HPS3: variants seen among roughly 807,000 people sequenced by gnomAD.
HPS3 encodes BLOC-2 complex member HPS3.
HPS3 carries 79 observed loss-of-function variants against 110.9 expected under a neutral mutation model. The ratio of observed to expected loss-of-function variants is 0.71; its 90% CI spans 0.59 to 0.86. HPS3 has a LOEUF of 0.86. HPS3 is among the 40% of genes least tolerant of loss of function. The pLI is 0.00. For missense variants in HPS3, 1,197 were observed against 1,206.2 expected (o/e 0.99, Z 0.11); for synonymous variants, 428 against 451.0 (o/e 0.95, Z 0.65).
intron 10 of HPS3, among the ~76,000 whole-genome samples, chr3:149,159,579 C>T (rs547728817): frequency 2.4e-4 from 37 of 152,050 alleles, no homozygotes; most frequent in Non-Finnish European, 4.3e-4. Flanking sequence ...AAAAAAGAAA[C>T]GATAACCCCT....
chr3:149,167,816 A>G, intron 15 of HPS3, 77 bp from the exon 16 acceptor site: 1 of 904,856 alleles, frequency 1.1e-6, no homozygotes, highest in East Asian at 2.4e-5. Flanking sequence ...GCTTTCCTGC[A>G]CAATCTTCTT....
intron 1 of HPS3, 80 bp from the exon 2 acceptor site, chr3:149,139,924 A>G: frequency 1.5e-6 from 2 of 1,290,770 alleles, no homozygotes; most frequent in East Asian, 2.3e-5. Flanking sequence ...GTTAGAATTC[A>G]TTAATAGTAC....
At position 149,169,038 on chromosome 3, in the gene HPS3, C is replaced by CGTGTGTGTGT. The variant is rs34076994; in HGVS notation, c.2887+1066_2887+1075dup. 4.5e-3 allele frequency among the ~76,000 whole-genome samples: 678 copies of CGTGTGTGTGT among 149,804 alleles called. 7 individuals are homozygous for CGTGTGTGTGT. The highest frequency in any genetic ancestry group is 0.015 in the African/African-American group (623 of 40,968). On this transcript the variant is annotated intron_variant, in intron 16 of 16. Coordinates refer to ENST00000296051, the MANE Select transcript of HPS3 (RefSeq NM_032383.5). ...TCTTCAAAATATATTTGTGTGCATA[C>CGTGTGTGTGT]GTGTGTGTGTGTGTGTGTGTATGGC...
Position 149,160,170 on chromosome 3 carries a change from T to G in HPS3, c.1997T>G (p.Leu666Arg). The change falls in exon 11 of 17, where the codon CTG becomes CGG. Residue 666 changes from leucine (L) to arginine (R), a missense_variant. Transcript: ENST00000296051. ...ACTGCCATGAGCTATCTAAGGAAGC[T>G]GGATACTTCTGGGTTTTCATCGATC... ...PLTAMSYLRK[L>R]DTSGFSSILV... The G allele has an allele frequency of 6.2e-7, 1 of 1,613,944 alleles. No individual in the cohort carries two copies. Among genetic ancestry groups the G allele is most frequent in the Non-Finnish European group, 8.5e-7 (1 of 1,179,846 alleles).
intron 2 of HPS3, 102 bp downstream of exon 2, chr3:149,140,600 AT>A: frequency 8.1e-7 from 1 of 1,233,372 alleles, no homozygotes; most frequent in East Asian, 2.5e-5. Flanking sequence ...CGGCCATGTT[AT>A]TTATAGATTT....
intron 6 of HPS3, among the ~76,000 whole-genome samples, chr3:149,151,252 T>C (rs1429311929): frequency 6.6e-6 from 1 of 151,362 alleles, no homozygotes; most frequent in Non-Finnish European, 1.5e-5. Context: ...AGGCTGGTCT[T>C]GAACTTCTGG....
chr3:149,166,141 G>A, intron 14 of HPS3: 5 of 390,336 alleles, frequency 1.3e-5, no homozygotes, highest in South Asian at 7.5e-5. Flanking sequence ...TTATTTTGGT[G>A]GTAGAATCAA....
At chr3:149,170,963 A>T (rs1333625086) in intron 16 of HPS3, among the ~76,000 whole-genome samples, 1 of 152,064 alleles carries the variant, frequency 6.6e-6, no homozygotes, top group Non-Finnish European at 1.5e-5. Context: ...TTTTTAATGT[A>T]TGTTACATTC....
intron 16 of HPS3, 59 bp downstream of exon 16, chr3:149,168,042 A>G (rs1274749200): frequency 2.1e-6 from 2 of 959,814 alleles, no homozygotes; most frequent in Non-Finnish European, 3.4e-6. Flanking sequence ...AAATTTGGTG[A>G]AGCCTTCTTA....
rs939423910 is a variant in HPS3 at position 149,161,098 on chromosome 3, G to T, written c.2106+819G>T. ...CTTGGGTTGCTAAAAAAGGAAGAAC[G>T]TAAGTGCTTTATCACTATACAAATG... On this transcript the variant is annotated intron_variant, in intron 11 of 16. Coordinates refer to ENST00000296051, the MANE Select transcript of HPS3 (RefSeq NM_032383.5). 2.0e-5 allele frequency among the ~76,000 whole-genome samples: 3 copies of T among 152,182 alleles called. No individual in the cohort carries two copies. The East Asian group carries it at 5.8e-4, about 29-fold the overall frequency.
chr3:149,138,582 TA>T, intron 1 of HPS3, among the ~76,000 whole-genome samples: 1 of 152,130 alleles, frequency 6.6e-6, no homozygotes, highest in Non-Finnish European at 1.5e-5. Flanking sequence ...ATACTCTAAA[TA>T]AAAAGGGTAT....
intron 16 of HPS3, 99 bp from the exon 17 acceptor site, chr3:149,171,996 C>T (rs960147317): frequency 8.2e-6 from 10 of 1,224,230 alleles, no homozygotes; most frequent in Admixed American, 3.5e-5. Context: ...TGAGCCACCA[C>T]GCCTGGCCTG....
At chr3:149,158,642 G>A in intron 9 of HPS3, 24 bp from the exon 10 acceptor site, 1 of 1,608,056 alleles carries the variant, frequency 6.2e-7, no homozygotes, top group South Asian at 1.1e-5. Context: ...ACAAATTTGA[G>A]GTTTTTCATT....
chr3:149,155,203 G>A lies in HPS3; in HGVS notation c.1497G>A (p.Leu499=), dbSNP rs2108155338. The A allele has an allele frequency of 1.2e-5, 18 of 1,505,406 alleles. No homozygotes were observed. The highest frequency in any genetic ancestry group is 1.7e-5 in the Non-Finnish European group (18 of 1,081,344). 93.3% of individuals were successfully genotyped at this position (1,505,406 alleles called of 1,614,324 possible). A position where few individuals can be genotyped will look rare whatever the true frequency, so the allele number is the denominator to read the frequency against. Residue 499 remains leucine, a synonymous_variant, in exon 8 of 17, where the codon CTG becomes CTA. Transcript: ENST00000296051. Reference sequence around the variant, plus strand: ...TGAATACGATCTCACCAGTGCAGCTGTACAAAGAGATGGTACTCTTTTCAA... The same window carrying A: ...TGAATACGATCTCACCAGTGCAGCTATACAAAGAGATGGTACTCTTTTCAA... ...YIVNTISPVQ[L]YKEMVDYSNT...
At chr3:149,148,916 T>C (rs1223587241) in intron 5 of HPS3, among the ~76,000 whole-genome samples, 1 of 151,590 alleles carries the variant, frequency 6.6e-6, no homozygotes, top group Non-Finnish European at 1.5e-5. Context: ...TAGACTGGAT[T>C]CCTACAGGTG....
chr3:149,153,799 C>A, intron 7 of HPS3, 151 bp downstream of exon 7: 2 of 771,150 alleles, frequency 2.6e-6, no homozygotes, highest in Admixed American at 2.2e-5. Context: ...AAAGAAGGTT[C>A]TAACAATCTC....
At chr3:149,149,112 C>T (rs1165095988) in intron 5 of HPS3, among the ~76,000 whole-genome samples, 1 of 150,972 alleles carries the variant, frequency 6.6e-6, no homozygotes, top group Non-Finnish European at 1.5e-5. Flanking sequence ...CACCACCACG[C>T]CCAGCTAATT....
chr3:149,157,960 C>T (rs771353098), intron 9 of HPS3, among the ~76,000 whole-genome samples: 1 of 152,140 alleles, frequency 6.6e-6, no homozygotes, highest in African/African-American at 2.4e-5. Flanking sequence ...ACTTTTTTCC[C>T]ACCATCTATG....
intron 15 of HPS3, 77 bp downstream of exon 15, chr3:149,167,317 A>T (rs1724524968): frequency 8.8e-7 from 1 of 1,130,754 alleles, no homozygotes; most frequent in African/African-American, 1.5e-5. Flanking sequence ...TTTCCTGCAA[A>T]ATGGGGACAA....
Sources: allele counts gnomAD v4.1 joint callset (sites outside exome capture counted in the v4.1 genomes callset), GRCh38; gene constraint gnomAD v4.1.1; transcripts MANE v1.5; gene names NCBI Gene and HGNC (gene_info 2026-07-23, HGNC 2026-07-21).